The following KAZN variants were observed in gnomAD, a reference collection of about 807,000 sequenced individuals.
KAZN encodes the protein kazrin.
A neutral mutation model predicts 87.4 loss-of-function variants in KAZN; 40 were observed. That is an observed-to-expected ratio of 0.46 (90% CI 0.36 to 0.60). The LOEUF (loss-of-function observed/expected upper bound fraction) is 0.60. KAZN is among the 20% of genes least tolerant of loss of function. The pLI is 0.00. For missense variants in KAZN, 898 were observed against 1,073.9 expected, an observed-to-expected ratio of 0.84 and a Z score of 2.29; for synonymous variants, 466 against 458.3, an observed-to-expected ratio of 1.02 and a Z score of -0.22.
At chr1:13,932,000 C>G (rs1640533323) in intron 1 of KAZN, among the ~76,000 whole-genome samples, 2 of 141,250 alleles carry the variant, frequency 1.4e-5, no homozygotes, top group Admixed American at 1.5e-4. Context: ...TACTGCTAGG[C>G]TTGGCTAATT....
chr1:14,983,859 T>C (rs1666510302), intron 2 of KAZN, among the ~76,000 whole-genome samples: 1 of 152,110 alleles, frequency 6.6e-6, no homozygotes, highest in Non-Finnish European at 1.5e-5. Flanking sequence ...GGAGAATCTC[T>C]TGAACCCGGG....
intron 1 of KAZN, among the ~76,000 whole-genome samples, chr1:14,036,777 TATTATTATC>T: frequency 6.6e-6 from 1 of 152,016 alleles, no homozygotes; most frequent in East Asian, 1.9e-4. Context: ...TATTTATTAT[TATTATTATC>T]ATTATTATTT....
chr1:14,116,150 C>G (rs1268583418), intron 1 of KAZN, among the ~76,000 whole-genome samples: 4 of 152,146 alleles, frequency 2.6e-5, no homozygotes, highest in Non-Finnish European at 5.9e-5. Flanking sequence ...AGGAGAAATC[C>G]AAGCTGACTT....
chr1:14,760,641 G>T (rs963318547), intron 1 of KAZN, among the ~76,000 whole-genome samples: 5 of 152,130 alleles, frequency 3.3e-5, no homozygotes, highest in Non-Finnish European at 7.3e-5. Context: ...CCCTCTGGTG[G>T]CTACTTGATT....
At chr1:14,411,404 C>T (rs1664293355) in intron 2 of KAZN, among the ~76,000 whole-genome samples, 1 of 152,182 alleles carries the variant, frequency 6.6e-6, no homozygotes, top group African/African-American at 2.4e-5. Context: ...AAGCAGTTCC[C>T]CTGCCTCAAC....
chr1:14,009,207 A>T (rs1018057741), intron 1 of KAZN, among the ~76,000 whole-genome samples: 1 of 152,214 alleles, frequency 6.6e-6, no homozygotes, highest in Admixed American at 6.5e-5. Context: ...TCATCTGTTG[A>T]TAAACATTTG....
chr1:14,221,057 G>T (rs1185098933), intron 2 of KAZN, among the ~76,000 whole-genome samples: 1 of 152,076 alleles, frequency 6.6e-6, no homozygotes, highest in Non-Finnish European at 1.5e-5. Context: ...TGCCCCCAAG[G>T]AGTTCACTGT....
chr1:14,528,748 C>CAAAAAAAAAAAAAAAAAAAAAAAAAAAAA (rs36033087), intron 2 of KAZN, among the ~76,000 whole-genome samples: 1 of 66,934 alleles, frequency 1.5e-5, no homozygotes. Context: ...GACCCTGTCT[C>CAAAAAAAAAAAAAAAAAAAAAAAAAAAAA]AAAAAAAAAA....
intron 2 of KAZN, among the ~76,000 whole-genome samples, chr1:14,576,416 G>C (rs1223352404): frequency 1.3e-5 from 2 of 151,730 alleles, no homozygotes; most frequent in East Asian, 3.9e-4. Flanking sequence ...CAGATAAATA[G>C]ATGGGTAGAT....
chr1:14,270,426 G>A lies in KAZN; in HGVS notation c.249+89834G>A, dbSNP rs559728153. Among the ~76,000 whole-genome samples, 5 of 152,236 alleles carry A rather than the reference G, an allele frequency of 3.3e-5. No homozygotes were observed. In the South Asian group the frequency reaches 1.0e-3, roughly 32 times the overall value. On this transcript the variant is annotated intron_variant, in intron 2 of 16. Transcript: ENST00000636203. The stretch of plus-strand genomic sequence containing the variant: ...CTGCATTCCCATCTTAGACACCTTG[G>A]GCAAAATATTTCACATCTCTGAGCT...
chr1:15,081,213 C>T lies in KAZN; in HGVS notation c.1223-12967C>T, dbSNP rs1406219622. ...TCATTCAATTGCAGGCAGTGCTGGG[C>T]CAGGGCTGGCTCACACAGGCCCACG... On this transcript the variant is annotated intron_variant, in intron 8 of 14. Transcript: ENST00000376030. The surrounding 1 kb of genome is among the most constrained non-coding windows in gnomAD (Gnocchi z 4.1). Among the ~76,000 whole-genome samples the T allele has an allele frequency of 1.3e-5, 2 of 152,176 alleles. No individual in the cohort carries two copies. Among genetic ancestry groups the T allele is most frequent in the African/African-American group, 4.8e-5 (2 of 41,440 alleles).
intron 1 of KAZN, among the ~76,000 whole-genome samples, chr1:14,885,081 T>C (rs910993876): frequency 3.3e-5 from 5 of 152,196 alleles, no homozygotes; most frequent in African/African-American, 1.2e-4. Flanking sequence ...ATCAAGCAGT[T>C]AGAGAAGTCT....
chr1:14,767,428 CTT>C (rs1644913960), intron 1 of KAZN, among the ~76,000 whole-genome samples: 1 of 152,224 alleles, frequency 6.6e-6, no homozygotes, highest in Non-Finnish European at 1.5e-5. Flanking sequence ...AAAGAGATAA[CTT>C]TGAATCCCAC....
chr1:14,167,603 A>G (rs911402123), intron 1 of KAZN, among the ~76,000 whole-genome samples: 2 of 152,148 alleles, frequency 1.3e-5, no homozygotes, highest in Non-Finnish European at 2.9e-5. Context: ...GACACCTACA[A>G]TTCCAGCTAC....
chr1:14,508,869 A>G (rs983561251), intron 2 of KAZN, among the ~76,000 whole-genome samples: 8 of 152,230 alleles, frequency 5.3e-5, no homozygotes, highest in African/African-American at 1.7e-4. Context: ...CCGATCAGAC[A>G]GGAACAGGTC....
chr1:14,092,854 G>C (rs950679007), intron 1 of KAZN, among the ~76,000 whole-genome samples: 5 of 152,040 alleles, frequency 3.3e-5, no homozygotes, highest in African/African-American at 1.2e-4. Context: ...TAATTTTTCT[G>C]TGCTATTAAA....
At chr1:14,503,319 C>A (rs1437629066) in intron 2 of KAZN, among the ~76,000 whole-genome samples, 3 of 150,928 alleles carry the variant, frequency 2.0e-5, no homozygotes, top group African/African-American at 7.3e-5. Context: ...CCCATCTCCA[C>A]TAAAAATACA....
chr1:14,245,592 C>A (rs1181214663), intron 2 of KAZN, among the ~76,000 whole-genome samples: 2 of 152,102 alleles, frequency 1.3e-5, no homozygotes, highest in Non-Finnish European at 2.9e-5. Flanking sequence ...CCAAGTACAT[C>A]TTTGAGATAG....
chr1:14,499,445 C>T (rs1413045947), intron 2 of KAZN, among the ~76,000 whole-genome samples: 1 of 152,124 alleles, frequency 6.6e-6, no homozygotes, highest in Admixed American at 6.5e-5. Context: ...ATATTGATCC[C>T]GTGACAATTG....
Sources: allele counts gnomAD v4.1 joint callset (sites outside exome capture counted in the v4.1 genomes callset), GRCh38; gene constraint gnomAD v4.1.1; non-coding constraint Gnocchi (gnomAD v3.1); transcripts MANE v1.5; gene names NCBI Gene and HGNC (gene_info 2026-07-23, HGNC 2026-07-21).